The following SLC25A29 variants were observed in gnomAD, a reference collection of about 807,000 sequenced individuals.
SLC25A29 encodes mitochondrial basic amino acids transporter.
In SLC25A29, 13 loss-of-function variants were observed where a neutral mutation model predicts 10.0. The observed-to-expected ratio is 1.30, with a 90% confidence interval of 0.85 to 2.07. The LOEUF is 2.07. SLC25A29 is among the 30% of genes most tolerant of loss of function. The probability of loss-of-function intolerance (pLI) is 0.00; values close to 1 mark genes in which losing one functional copy is unlikely to be tolerated. For synonymous variants in SLC25A29, 244 were observed against 221.1 expected, an observed-to-expected ratio of 1.10 and a Z score of -0.92; for missense variants, 475 against 447.6, an observed-to-expected ratio of 1.06 and a Z score of -0.55.
intron 1 of SLC25A29, chr14:100,299,791 C>T (rs1892419856): frequency 4.1e-6 from 4 of 985,316 alleles, no homozygotes; most frequent in Non-Finnish European, 4.8e-6. Flanking sequence ...TTCACGTGGA[C>T]ATCTGTTCAA....
At chr14:100,290,858 C>T (rs1307507095), downstream of SLC25A29, among the ~76,000 whole-genome samples, 1 of 152,268 alleles carries the variant, frequency 6.6e-6, no homozygotes, top group Non-Finnish European at 1.5e-5. Context: ...GCCTCTCTCT[C>T]TCATTGCTGG....
At chr14:100,299,648 C>T in intron 1 of SLC25A29, 2 of 985,234 alleles carry the variant, frequency 2.0e-6, no homozygotes, top group Non-Finnish European at 2.4e-6. Context: ...GTCCTAAATG[C>T]TGTGCAGGTG....
chr14:100,288,813 C>T (rs911754020), downstream of SLC25A29, among the ~76,000 whole-genome samples: 4 of 152,218 alleles, frequency 2.6e-5, no homozygotes, highest in African/African-American at 4.8e-5. Flanking sequence ...ACCATTCAAA[C>T]ACACCAATAC....
At chr14:100,283,916 C>A in the SLC25A29 span, among the ~76,000 whole-genome samples, 1 of 150,884 alleles carries the variant, frequency 6.6e-6, no homozygotes, top group African/African-American at 2.4e-5. Flanking sequence ...CAGGGTCTTG[C>A]TATCACCTAG....
chr14:100,299,927 T>G (rs2139761295), intron 1 of SLC25A29: 1 of 985,474 alleles, frequency 1.0e-6, no homozygotes, highest in Non-Finnish European at 1.2e-6. Flanking sequence ...ACTATGCATC[T>G]CCACAAATTG....
At chr14:100,279,476 A>G in the SLC25A29 span, 1 of 152,206 alleles carries the variant, frequency 6.6e-6, no homozygotes, top group Non-Finnish European at 1.5e-5. Flanking sequence ...CCTTTAAAAA[A>G]TTCATCCAGA....
At chr14:100,297,098 C>T (rs1032858012) in intron 2 of SLC25A29, among the ~76,000 whole-genome samples, 5 of 152,192 alleles carry the variant, frequency 3.3e-5, no homozygotes, top group African/African-American at 1.2e-4. Flanking sequence ...CAGACACAGA[C>T]TCCATCTCAA....
chr14:100,293,414 G>A (rs1430908324), intron 2 of SLC25A29, 37 bp from the exon 3 acceptor site: 1 of 1,595,340 alleles, frequency 6.3e-7, no homozygotes, highest in Non-Finnish European at 8.6e-7. Flanking sequence ...CAGGCAGGCA[G>A]GACCAGAGCA....
chr14:100,288,474 T>A (rs1193453889), downstream of SLC25A29, among the ~76,000 whole-genome samples: 2 of 151,064 alleles, frequency 1.3e-5, no homozygotes, highest in African/African-American at 2.4e-5. Context: ...TCAAGAGCAG[T>A]TGGCACTTAG....
rs377689123 is a variant in SLC25A29, at chr14:100,295,411, C to G, written c.79-2034G>C. The G allele has an allele frequency of 3.3e-4, 124 of 376,376 alleles. 2 individuals are homozygous for G. Among genetic ancestry groups the G allele is most frequent in the African/African-American group, 2.5e-3 (120 of 47,148 alleles). 23.3% of individuals were successfully genotyped at this position (376,376 alleles called of 1,614,324 possible). On this transcript the variant is annotated intron_variant, in intron 2 of 3. Transcript: ENST00000359232. ...ACAAGTTTAGGAAGCTCCCAGCTCC[C>G]CATAGGGCCGAGAGACCCCCACATG...
At chr14:100,293,161 G>C (rs1467924790) in intron 3 of SLC25A29, 129 bp from the exon 4 acceptor site, 2 of 1,452,528 alleles carry the variant, frequency 1.4e-6, no homozygotes, top group African/African-American at 2.8e-5. Context: ...AATTTCGTTA[G>C]AACCTAGGTC....
At chr14:100,289,367 C>A (rs965992142), downstream of SLC25A29, among the ~76,000 whole-genome samples, 15 of 152,226 alleles carry the variant, frequency 9.9e-5, no homozygotes, top group Non-Finnish European at 2.2e-4. Flanking sequence ...CCCTCCGCTG[C>A]TCCATGCTGG....
In SLC25A29 at chr14:100,298,722, TG is replaced by T. The variant is rs796719967; in HGVS notation, c.78+119del. The T allele has an allele frequency of 7.9e-6, 10 of 1,266,892 alleles. No individual in the cohort carries two copies. In the African/African-American group the frequency reaches 1.5e-4, roughly 19 times the overall value. The allele number at this position is 1,266,892 out of a possible 1,614,324, so 78.5% of individuals were successfully genotyped here. On this transcript the variant is annotated intron_variant, in intron 2 of 3. Transcript: ENST00000359232. ...GCAGTGAGGAAGGTTCAACCCGGCC[TG>T]GTGTAAAAGCAGCTGCCCACCTGGG...
rs1482450189 is a variant in SLC25A29 at position 100,292,015 on chromosome 14, A to T, written c.*268T>A. On this transcript the variant is annotated 3_prime_UTR_variant, in exon 4 of 4. Coordinates refer to ENST00000359232, the MANE Select transcript of SLC25A29 (RefSeq NM_001039355.3). ...GGATAACGGTGCAATGGCCTCAGCC[A>T]GGCCAGGTGCTGGCTGCTGCTGGGA... 6.1e-6 allele frequency: 3 copies of T among 491,796 alleles called. No homozygotes were observed. Among genetic ancestry groups the T allele is most frequent in the Non-Finnish European group, 1.1e-5 (3 of 276,314 alleles). The allele number at this position is 491,796 out of a possible 1,614,324, so 30.5% of individuals were successfully genotyped here.
chr14:100,290,215 C>T (rs539250794), downstream of SLC25A29, among the ~76,000 whole-genome samples: 66 of 152,342 alleles, frequency 4.3e-4, no homozygotes, highest in Admixed American at 3.9e-3. Context: ...ACTCAAGCTG[C>T]CCTGAGAGAT....
chr14:100,296,000 G>A, intron 2 of SLC25A29: 1 of 1,289,248 alleles, frequency 7.8e-7, no homozygotes, highest in East Asian at 5.6e-5. Flanking sequence ...GGGCCTGGGG[G>A]AATAAACTGT....
At chr14:100,293,090 C>T (rs894036975) in intron 3 of SLC25A29, 58 bp from the exon 4 acceptor site, 11 of 1,472,540 alleles carry the variant, frequency 7.5e-6, no homozygotes, top group Non-Finnish European at 9.9e-6. Context: ...GCCCTCCACG[C>T]GGAAGGGGGT....
In SLC25A29 at chr14:100,306,246, G is replaced by T; in HGVS notation, c.-14C>A. On this transcript the variant is annotated 5_prime_UTR_variant, in exon 1 of 4. Transcript: ENST00000359232. ...GTCCAGCGCCATGGCCGGGTCCCCG[G>T]CGAGGCCGCCTTTCCTCCTCGTCCT... 6.7e-7 allele frequency: 1 copy of T among 1,486,266 alleles called. No homozygotes were observed. The allele number at this position is 1,486,266 out of a possible 1,614,324, so 92.1% of individuals were successfully genotyped here. A position where few individuals can be genotyped will look rare whatever the true frequency, so the allele number is the denominator to read the frequency against.
the SLC25A29 span, chr14:100,281,864 G>A: frequency 6.6e-6 from 1 of 152,240 alleles, no homozygotes; most frequent in Non-Finnish European, 1.5e-5. Context: ...TGACCCACAA[G>A]AGGGCAGATT....
Sources: gnomAD v4.1 joint callset for allele counts (sites outside exome capture counted in the v4.1 genomes callset) on GRCh38, gnomAD v4.1.1 for gene constraint, MANE v1.5 for transcripts, NCBI Gene and HGNC (gene_info 2026-07-23, HGNC 2026-07-21) for gene names.